GNG7: variants seen among roughly 807,000 people sequenced by gnomAD.
GNG7 encodes G protein subunit gamma 7.
A neutral mutation model predicts 4.0 loss-of-function variants in GNG7; 1 was observed. That is an observed-to-expected ratio of 0.25 (90% CI 0.09 to 1.18). The LOEUF (loss-of-function observed/expected upper bound fraction) is 1.18, where lower values mean the gene tolerates loss of function less well. GNG7 is among the 50% of genes most tolerant of loss of function. The pLI, the probability that GNG7 is intolerant of heterozygous loss-of-function variation, is 0.50. For synonymous variants in GNG7, 34 were observed against 36.9 expected, an observed-to-expected ratio of 0.92 and a Z score of 0.29; for missense variants, 86 against 91.9, an observed-to-expected ratio of 0.94 and a Z score of 0.26.
chr19:2,538,460 CAAAAAAAAA>C, intron 3 of GNG7: 1 of 177,456 alleles, frequency 5.6e-6, no homozygotes. Context: ...CCCGTCTCTG[CAAAAAAAAA>C]AAAAAAAAAA....
chr19:2,608,052 A>AG (rs1491573754), intron 2 of GNG7, among the ~76,000 whole-genome samples: 1 of 71,798 alleles, frequency 1.4e-5, no homozygotes, highest in Non-Finnish European at 3.1e-5. Flanking sequence ...GGTATTTGAG[A>AG]AAAAAAAAAA....
At position 2,617,649 on chromosome 19, in the gene GNG7, C is replaced by G. The variant is rs535647059; in HGVS notation, c.-78+28575G>C. Among the ~76,000 whole-genome samples the G allele has an allele frequency of 6.6e-6, 1 of 152,242 alleles. No homozygotes were observed. The highest frequency in any genetic ancestry group is 1.5e-5 in the Non-Finnish European group (1 of 68,002). ...GGCAAGGATGTCCCCTCCTTAGAGA[C>G]CTTCCTGGACACCACGTGGCACAGA... is the stretch of plus-strand genomic sequence containing the variant. On this transcript the variant is annotated intron_variant, in intron 2 of 4. Transcript: ENST00000382159. The surrounding 1 kb of genome is among the most constrained non-coding windows in gnomAD (Gnocchi z 4.7).
intron 2 of GNG7, among the ~76,000 whole-genome samples, chr19:2,603,173 C>T (rs559405519): frequency 1.3e-4 from 20 of 152,090 alleles, no homozygotes; most frequent in Admixed American, 4.6e-4. Flanking sequence ...TTCAAGCGAT[C>T]CTCCTGCCTC....
chr19:2,518,081 T>A (rs1978291965), intron 4 of GNG7, among the ~76,000 whole-genome samples: 5 of 152,168 alleles, frequency 3.3e-5, no homozygotes. Context: ...GCATTGTGGC[T>A]CCAGCACGTG....
At chr19:2,567,143 CAAAA>C (rs1231987195) in intron 2 of GNG7, among the ~76,000 whole-genome samples, 174 of 130,092 alleles carry the variant, frequency 1.3e-3, no homozygotes, top group African/African-American at 4.6e-3. Flanking sequence ...AAAAAAAAAA[CAAAA>C]AAAAAAACAC....
intron 1 of GNG7, among the ~76,000 whole-genome samples, chr19:2,650,706 G>A (rs891870254): frequency 2.6e-5 from 4 of 152,172 alleles, no homozygotes; most frequent in South Asian, 2.1e-4. Flanking sequence ...CTCTGTCCTC[G>A]GGCCTTGAGC....
At chr19:2,701,246 G>A (rs1913394104) in intron 1 of GNG7, 1 of 151,920 alleles carries the variant, frequency 6.6e-6, no homozygotes, top group African/African-American at 2.4e-5. Context: ...CCCAAAAGTA[G>A]AGGGGTGAGT....
At position 2,633,990 on chromosome 19, in the gene GNG7, C is replaced by T. The variant is rs1025424347; in HGVS notation, c.-78+12234G>A. On this transcript the variant is annotated intron_variant, in intron 2 of 4. Coordinates refer to ENST00000382159, the MANE Select transcript of GNG7 (RefSeq NM_052847.3). This position sits in a 1 kb window ranked among gnomAD's most constrained non-coding sequence, Gnocchi z 5.9. The stretch of plus-strand genomic sequence containing the variant: ...AGACCCCCTGGGATAGGGGATTCCA[C>T]GGACCCCCAAGAGACTCCGCGTCCC... 1.3e-5 allele frequency among the ~76,000 whole-genome samples: 2 copies of T among 152,120 alleles called. No individual in the cohort carries two copies. Among genetic ancestry groups the T allele is most frequent in the African/African-American group, 2.4e-5 (1 of 41,424 alleles).
chr19:2,521,304 G>T (rs1053927003), intron 3 of GNG7, among the ~76,000 whole-genome samples: 1 of 152,054 alleles, frequency 6.6e-6, no homozygotes, highest in African/African-American at 2.4e-5. Context: ...AAGGGCAAAG[G>T]CAATAGGCCA....
At chr19:2,666,118 A>G (rs1387012973) in intron 1 of GNG7, among the ~76,000 whole-genome samples, 1 of 152,030 alleles carries the variant, frequency 6.6e-6, no homozygotes, top group Non-Finnish European at 1.5e-5. Context: ...TGCCTGCTTC[A>G]GCCTCCCAAA....
intron 2 of GNG7, among the ~76,000 whole-genome samples, chr19:2,613,626 CT>C (rs1466323770): frequency 6.6e-6 from 1 of 152,098 alleles, no homozygotes; most frequent in Non-Finnish European, 1.5e-5. Context: ...GTGGATTCCC[CT>C]AACCTGGGCG....
chr19:2,587,186 G>A (rs561741387), intron 2 of GNG7, among the ~76,000 whole-genome samples: 112 of 152,042 alleles, frequency 7.4e-4, no homozygotes, highest in African/African-American at 2.6e-3. Flanking sequence ...GCGGCGGCAA[G>A]AAGACACCAG....
At chr19:2,562,417 G>A (rs775408292) in intron 2 of GNG7, among the ~76,000 whole-genome samples, 19 of 151,850 alleles carry the variant, frequency 1.3e-4, no homozygotes, top group Admixed American at 7.2e-4. Context: ...CCAAAGTGCC[G>A]GGATTACAGG....
intron 2 of GNG7, among the ~76,000 whole-genome samples, chr19:2,580,459 T>C (rs1980471058): frequency 6.8e-6 from 1 of 147,256 alleles, no homozygotes; most frequent in Non-Finnish European, 1.5e-5. Flanking sequence ...TCCGGCTAAT[T>C]TTTGTATTTT....
intron 2 of GNG7, among the ~76,000 whole-genome samples, chr19:2,630,154 G>C (rs1982120459): frequency 1.3e-5 from 2 of 152,132 alleles, no homozygotes; most frequent in South Asian, 2.1e-4. Context: ...TCCTGCAAGA[G>C]GAAGGGATGG....
At chr19:2,635,605 C>T (rs1292105881) in intron 2 of GNG7, among the ~76,000 whole-genome samples, 2 of 138,498 alleles carry the variant, frequency 1.4e-5, no homozygotes, top group African/African-American at 2.7e-5. Context: ...TTTTTTGAGA[C>T]GGAGTCTCGC....
chr19:2,618,577 G>A lies in GNG7; in HGVS notation c.-78+27647C>T, dbSNP rs1413443850. Among the ~76,000 whole-genome samples, 1 of 151,912 alleles carries A rather than the reference G, an allele frequency of 6.6e-6. No individual in the cohort carries two copies. Among genetic ancestry groups the A allele is most frequent in the Non-Finnish European group, 1.5e-5 (1 of 67,990 alleles). ...TTGTCCAGGCTGGTCTCGAACTCCTGACCTCAAATGATCCACCCGCCTCGG... is the reference window on the plus strand; with the variant it reads ...TTGTCCAGGCTGGTCTCGAACTCCTAACCTCAAATGATCCACCCGCCTCGG... On this transcript the variant is annotated intron_variant, in intron 2 of 4. Coordinates refer to ENST00000382159, the MANE Select transcript of GNG7 (RefSeq NM_052847.3). This position sits in a 1 kb window ranked among gnomAD's most constrained non-coding sequence, Gnocchi z 5.1.
intron 1 of GNG7, among the ~76,000 whole-genome samples, chr19:2,692,393 T>C (rs1339052318): frequency 6.6e-6 from 1 of 150,984 alleles, no homozygotes; most frequent in East Asian, 2.0e-4. Flanking sequence ...CCCAGCACTT[T>C]GGGAGGCCGA....
intron 2 of GNG7, among the ~76,000 whole-genome samples, chr19:2,588,451 A>G (rs1463754037): frequency 6.6e-6 from 1 of 152,244 alleles, no homozygotes. Context: ...TTTTCTTTTA[A>G]AAGTCAACAG....
Sources: gnomAD v4.1 joint callset for allele counts (sites outside exome capture counted in the v4.1 genomes callset) on GRCh38, gnomAD v4.1.1 for gene constraint, Gnocchi (gnomAD v3.1) non-coding constraint, MANE v1.5 for transcripts, NCBI Gene and HGNC (gene_info 2026-07-23, HGNC 2026-07-21) for gene names.